TASOR: variants seen among roughly 807,000 people sequenced by gnomAD.
TASOR encodes the protein transcription activation suppressor, also known as protein TASOR.
A neutral mutation model predicts 178.6 loss-of-function variants in TASOR; 53 were observed. The ratio of observed to expected loss-of-function variants is 0.30; its 90% CI spans 0.24 to 0.37. The LOEUF (loss-of-function observed/expected upper bound fraction) is 0.37. Ranked by LOEUF, TASOR falls within the 10% of genes least tolerant of loss-of-function variation. The pLI is 1.00. For synonymous variants in TASOR, 713 were observed against 696.2 expected, an observed-to-expected ratio of 1.02 and a Z score of -0.38; for missense variants, 1,815 against 1,971.4, an observed-to-expected ratio of 0.92 and a Z score of 1.50.
Position 56,623,410 on chromosome 3 carries a change from A to G in TASOR, c.4640T>C (p.Ile1547Thr), listed in dbSNP as rs370244806. The G allele has an allele frequency of 4.3e-6, 7 of 1,613,606 alleles. No homozygotes were observed. The highest frequency in any genetic ancestry group is 2.7e-5 in the African/African-American group (2 of 74,894). The change falls in exon 24 of 24, where the codon ATT becomes ACT. Residue 1547 changes from isoleucine (I) to threonine (T), a missense_variant. Around this residue, in one of 5 missense-constraint regions of TASOR, gnomAD observed 278 missense variants for 257.1 expected, o/e 1.08. Coordinates refer to ENST00000683822, the MANE Select transcript of TASOR (RefSeq NM_001365635.2). ...CACATCAGGAGACGATTGCAACTCA[A>G]TTTGAGTATTCTTTTTTTGATCTGT... ...RGTDQKKNTQ[I>T]ELQSSPDVQN...
intron 15 of TASOR, among the ~76,000 whole-genome samples, chr3:56,641,112 C>CACA (rs3029705): frequency 0.62 from 93,545 of 151,790 alleles, 31,411 homozygotes; most frequent in East Asian, 0.96. Flanking sequence ...TAAGCTTTAT[C>CACA]ACAAGTAAAC....
intron 16 of TASOR, among the ~76,000 whole-genome samples, chr3:56,639,410 CA>C (rs66863926): frequency 5.8e-4 from 87 of 148,812 alleles, no homozygotes; most frequent in South Asian, 8.4e-4. Context: ...AGAATGCTAC[CA>C]AAAAAAAAAA....
At chr3:56,666,029 T>G (rs1248172269) in intron 7 of TASOR, among the ~76,000 whole-genome samples, 1 of 152,230 alleles carries the variant, frequency 6.6e-6, no homozygotes, top group Admixed American at 6.5e-5. Flanking sequence ...AGGAAGAGAT[T>G]AGCGAGATGA....
intron 11 of TASOR, 32 bp downstream of exon 11, chr3:56,660,699 G>C (rs1431756974): frequency 6.6e-7 from 1 of 1,523,456 alleles, no homozygotes; most frequent in Non-Finnish European, 9.1e-7. Flanking sequence ...TTGTAACAAA[G>C]AATGAGAAAC....
At chr3:56,660,564 A>G (rs950819400) in intron 11 of TASOR, among the ~76,000 whole-genome samples, 167 bp downstream of exon 11, 6 of 152,132 alleles carry the variant, frequency 3.9e-5, no homozygotes, top group African/African-American at 7.2e-5. Flanking sequence ...GGCCCAAATA[A>G]AAGAATACCA....
At chr3:56,625,611 C>CATA (rs2076780336) in intron 21 of TASOR, among the ~76,000 whole-genome samples, 1 of 152,204 alleles carries the variant, frequency 6.6e-6, no homozygotes, top group South Asian at 2.1e-4. Context: ...TGCTCTATTA[C>CATA]ACTCCAGTCT....
chr3:56,659,570 G>A (rs1437835509), intron 11 of TASOR, among the ~76,000 whole-genome samples: 4 of 151,900 alleles, frequency 2.6e-5, no homozygotes, highest in East Asian at 1.9e-4. Context: ...TCATTACCTT[G>A]TCATCCCACC....
intron 7 of TASOR, chr3:56,664,416 T>C (rs1365062838): frequency 6.6e-6 from 1 of 152,184 alleles, no homozygotes; most frequent in African/African-American, 2.4e-5. Flanking sequence ...AAAGTATGTA[T>C]CACAGTGATC....
intron 11 of TASOR, among the ~76,000 whole-genome samples, chr3:56,656,415 C>T (rs1232823169): frequency 6.6e-6 from 1 of 151,654 alleles, no homozygotes; most frequent in Non-Finnish European, 1.5e-5. Context: ...TGGCAAAACC[C>T]CATCTCTACA....
At chr3:56,680,387 T>A (rs1313662600) in intron 1 of TASOR, among the ~76,000 whole-genome samples, 1 of 152,202 alleles carries the variant, frequency 6.6e-6, no homozygotes, top group Non-Finnish European at 1.5e-5. Context: ...GCAGTTATTT[T>A]GGATGTCACA....
At chr3:56,624,179 C>T (rs2076748449) in intron 23 of TASOR, among the ~76,000 whole-genome samples, 2 of 152,042 alleles carry the variant, frequency 1.3e-5, no homozygotes, top group South Asian at 4.2e-4. Context: ...CAATAGTAAC[C>T]AATAATGCTT....
At chr3:56,666,161 A>G in intron 7 of TASOR, 99 bp downstream of exon 7, 1 of 1,113,918 alleles carries the variant, frequency 9.0e-7, no homozygotes, top group Non-Finnish European at 1.2e-6. Flanking sequence ...TTAAAAAAAA[A>G]AAAATGGGAA....
In TASOR at chr3:56,649,519, G is replaced by C. The variant is rs374378137; in HGVS notation, c.1369-462C>G. Among the ~76,000 whole-genome samples, 6 of 152,132 alleles carry C rather than the reference G, an allele frequency of 3.9e-5. No homozygotes were observed. In the East Asian group the frequency reaches 1.2e-3, roughly 29 times the overall value. On this transcript the variant is annotated intron_variant, in intron 11 of 23. Coordinates refer to ENST00000683822, the MANE Select transcript of TASOR (RefSeq NM_001365635.2). ...TAATCTAACTGCACACATATTACAT[G>C]AACACTTTTCACATGTAAGGGAATT...
intron 1 of TASOR, among the ~76,000 whole-genome samples, chr3:56,681,349 G>A (rs2031768718): frequency 6.6e-6 from 1 of 152,076 alleles, no homozygotes; most frequent in Non-Finnish European, 1.5e-5. Flanking sequence ...ACCTTTAAAA[G>A]TATCTTTCTG....
chr3:56,641,270 A>G, intron 15 of TASOR, 79 bp downstream of exon 15: 1 of 1,380,286 alleles, frequency 7.2e-7, no homozygotes, highest in Non-Finnish European at 9.7e-7. Context: ...GAAAAAAATC[A>G]TTCCCTGAAG....
chr3:56,646,532 A>G lies in TASOR; in HGVS notation c.2205T>C (p.His735=). The G allele has an allele frequency of 2.5e-6, 4 of 1,602,088 alleles. No homozygotes were observed. Among genetic ancestry groups the G allele is most frequent in the Non-Finnish European group, 3.4e-6 (4 of 1,176,268 alleles). The change falls in exon 14 of 24, where the codon CAT becomes CAC. Residue 735 remains histidine (H), a synonymous_variant. Coordinates refer to ENST00000683822, the MANE Select transcript of TASOR (RefSeq NM_001365635.2). The stretch of plus-strand genomic sequence containing the variant: ...AATCTGATATTTTACCTTCATACAG[A>G]TGGCAATTTTCAGATAAATTACTGG... The part of the protein sequence containing the change: ...AKTSNLSENC[H]LYEESPQPIG...
Position 56,668,527 on chromosome 3 carries a change from C to T in TASOR, c.767G>A (p.Gly256Asp). 1 of 1,551,232 alleles carries T rather than the reference C, an allele frequency of 6.4e-7. No individual in the cohort carries two copies. The change falls in exon 6 of 24, where the codon GGT becomes GAT. Residue 256 changes from glycine (G) to aspartate (D), a missense_variant. By Grantham distance (94) the Gly-to-Asp change is moderately conservative. Coordinates refer to ENST00000683822, the MANE Select transcript of TASOR (RefSeq NM_001365635.2). ...GKIKSIYDPM[G>D]VKSLESMLNK... ...TAACATAGATTCCAAACTTTTTACA[C>T]CCATGGGGTCATATATACTCTTTAT... is the stretch of plus-strand genomic sequence containing the variant.
Position 56,627,126 on chromosome 3 carries a change from C to A in TASOR, c.4050G>T (p.Leu1350Phe). Residue 1350 changes from leucine (L) to phenylalanine (F), a missense_variant, in exon 21 of 24, where the codon TTG (leucine) becomes TTT (phenylalanine). Transcript: ENST00000683822. ...GAGTACTAAGTTCCTCAAGGAATGT[C>A]AAAAAATTTTTAAGGTTCTCTGTTA... ...VVTVENLKNF[L>F]TFLEELSTPE... 1 of 1,607,692 alleles carries A rather than the reference C, an allele frequency of 6.2e-7. No individual in the cohort carries two copies. The highest frequency in any genetic ancestry group is 1.1e-5 in the South Asian group (1 of 90,072).
In TASOR at chr3:56,621,211, G is replaced by GACTC. The variant is rs2076546897; in HGVS notation, c.*1822_*1825dup. On this transcript the variant is annotated 3_prime_UTR_variant, in exon 24 of 24. Coordinates refer to ENST00000683822, the MANE Select transcript of TASOR (RefSeq NM_001365635.2). ...AAAAAAAACACTGTATGTTAAGGGA[G>GACTC]ACTCCTTCAGTATCTAAGAGCACTT... is the stretch of plus-strand genomic sequence containing the variant. The GACTC allele has an allele frequency of 5.3e-6, 1 of 188,866 alleles. No homozygotes were observed. The highest frequency in any genetic ancestry group is 1.1e-5 in the Non-Finnish European group (1 of 92,476). The allele number at this position is 188,866 out of a possible 1,614,324, so 11.7% of individuals were successfully genotyped here. A position where few individuals can be genotyped will look rare whatever the true frequency, so the allele number is the denominator to read the frequency against.
Sources: gnomAD v4.1 joint callset for allele counts (sites outside exome capture counted in the v4.1 genomes callset) on GRCh38, gnomAD v4.1.1 for gene constraint, gnomAD v4.1.1 regional missense constraint, MANE v1.5 for transcripts, NCBI Gene and HGNC (gene_info 2026-07-23, HGNC 2026-07-21) for gene names.